HEG1: variants seen among roughly 807,000 people sequenced by gnomAD.
The protein encoded by HEG1 is heart development protein with EGF like domains 1.
HEG1 carries 56 observed loss-of-function variants against 125.6 expected under a neutral mutation model. The ratio of observed to expected loss-of-function variants is 0.45; its 90% CI spans 0.36 to 0.56. The LOEUF (loss-of-function observed/expected upper bound fraction) is 0.56, where lower values mean the gene tolerates loss of function less well. Among genes scored for constraint, HEG1 ranks in the 20% least tolerant of loss-of-function variants. The probability of loss-of-function intolerance (pLI) is 0.00; values close to 1 mark genes in which losing one functional copy is unlikely to be tolerated. For missense variants in HEG1, 1,523 were observed against 1,670.0 expected (o/e 0.91, Z 1.53); for synonymous variants, 644 against 668.5 (o/e 0.96, Z 0.57).
At chr3:125,039,678 A>AT (rs1696562018) in intron 1 of HEG1, among the ~76,000 whole-genome samples, 1 of 152,112 alleles carries the variant, frequency 6.6e-6, no homozygotes, top group African/African-American at 2.4e-5. Flanking sequence ...TATTATCCTC[A>AT]TATAGCACAT....
rs573602551 is a variant in HEG1, at chr3:125,013,931, C to T, written c.1648G>A (p.Asp550Asn). 4.5e-5 allele frequency: 73 copies of T among 1,612,826 alleles called. No homozygotes were observed. Among genetic ancestry groups the T allele is most frequent in the Admixed American group, 8.3e-5 (5 of 59,930 alleles). The change falls in exon 6 of 17, where the codon GAC (aspartate) becomes AAC (asparagine). Residue 550 changes from aspartate to asparagine, a missense_variant. Coordinates refer to ENST00000311127, the MANE Select transcript of HEG1 (RefSeq NM_020733.2). ...GACAGGTAGGTGTGGTCTGTGTGGT[C>T]GCTGGAAGTCCTTTGTTCAATAGCT... ...GTAIEQRTSS[D>N]HTDHTYLSST...
At chr3:125,039,789 C>T (rs1189206388) in intron 1 of HEG1, among the ~76,000 whole-genome samples, 1 of 149,050 alleles carries the variant, frequency 6.7e-6, no homozygotes, top group East Asian at 2.0e-4. Flanking sequence ...CATCACACTC[C>T]AGCTTATTCC....
chr3:125,026,048 T>C (rs1381717457), intron 3 of HEG1, among the ~76,000 whole-genome samples: 2 of 152,204 alleles, frequency 1.3e-5, no homozygotes, highest in African/African-American at 4.8e-5. Flanking sequence ...GCAATGGCAA[T>C]TTTGGAGACA....
chr3:124,973,933 C>A, intron 15 of HEG1, 28 bp from the exon 16 acceptor site: 1 of 1,536,822 alleles, frequency 6.5e-7, no homozygotes, highest in Non-Finnish European at 9.0e-7. Flanking sequence ...ATTTGTAAAG[C>A]TCAATTCCGT....
chr3:125,005,492 C>T (rs780842883), intron 8 of HEG1, 124 bp from the exon 9 acceptor site: 6 of 582,286 alleles, frequency 1.0e-5, no homozygotes, highest in Non-Finnish European at 1.2e-5. Context: ...GCATTTCTTT[C>T]TCCTTATGGG....
rs1937201379 is a variant in HEG1 at position 125,013,869 on chromosome 3, G to A, written c.1710C>T (p.Ser570=). ...TFTKGERALL[S]ITDNSSSSDI... ...CTGAGGATGAACTGTTATCTGTAATGGACAGTAACGCCCGTTCTCCTTTGG... is the reference window on the plus strand; with the variant it reads ...CTGAGGATGAACTGTTATCTGTAATAGACAGTAACGCCCGTTCTCCTTTGG... The change falls in exon 6 of 17, where the codon TCC becomes TCT. Residue 570 remains serine (S), a synonymous_variant. Transcript: ENST00000311127. The A allele has an allele frequency of 6.2e-7, 1 of 1,613,914 alleles. No individual in the cohort carries two copies. Among genetic ancestry groups the A allele is most frequent in the East Asian group, 2.2e-5 (1 of 44,886 alleles).
At chr3:125,017,610 G>A (rs1464324191) in intron 5 of HEG1, among the ~76,000 whole-genome samples, 1 of 152,196 alleles carries the variant, frequency 6.6e-6, no homozygotes, top group African/African-American at 2.4e-5. Flanking sequence ...CAGAACACTT[G>A]TACACAGCTG....
At chr3:125,046,799 T>G (rs975375731) in intron 1 of HEG1, among the ~76,000 whole-genome samples, 1 of 152,222 alleles carries the variant, frequency 6.6e-6, no homozygotes, top group African/African-American at 2.4e-5. Flanking sequence ...ACACACACTC[T>G]GAAGGTGGCT....
rs911757239 is a variant in HEG1, at chr3:125,040,896, G to A, written c.317-11408C>T. Among the ~76,000 whole-genome samples, 8 of 152,278 alleles carry A rather than the reference G, an allele frequency of 5.3e-5. No individual in the cohort carries two copies. The South Asian group carries it at 1.7e-3, about 32-fold the overall frequency. On this transcript the variant is annotated intron_variant, in intron 1 of 16. Transcript: ENST00000311127. ...TCCCATGCATTTTACAATCGACAAA[G>A]CACTTTTCACAGGATAATTTCATGG...
intron 12 of HEG1, among the ~76,000 whole-genome samples, chr3:124,992,770 G>C (rs968787835): frequency 2.6e-5 from 4 of 152,234 alleles, no homozygotes; most frequent in Non-Finnish European, 2.9e-5. Flanking sequence ...CATATCACTA[G>C]AGTGTTGTGG....
intron 14 of HEG1, 28 bp downstream of exon 14, chr3:124,990,759 G>C (rs145406909): frequency 1.9e-6 from 3 of 1,554,036 alleles, no homozygotes; most frequent in Non-Finnish European, 2.6e-6. Flanking sequence ...CCCTGCCCAC[G>C]CATAATGGTC....
chr3:125,003,032 T>C (rs1454865882), intron 9 of HEG1, among the ~76,000 whole-genome samples: 1 of 152,218 alleles, frequency 6.6e-6, no homozygotes, highest in Admixed American at 6.5e-5. Context: ...ATGTATCAGA[T>C]ACATGCCACT....
chr3:125,029,687 C>T (rs543723218), intron 1 of HEG1, among the ~76,000 whole-genome samples, 199 bp from the exon 2 acceptor site: 11 of 152,190 alleles, frequency 7.2e-5, no homozygotes, highest in Admixed American at 2.0e-4. Flanking sequence ...GTCAGGAGTT[C>T]GAGACCAGCC....
At chr3:125,002,869 G>T (rs1937019937) in intron 9 of HEG1, among the ~76,000 whole-genome samples, 1 of 152,198 alleles carries the variant, frequency 6.6e-6, no homozygotes, top group Non-Finnish European at 1.5e-5. Flanking sequence ...TGTTTGCCTT[G>T]TGCCCTTGGA....
chr3:125,046,398 T>TACACACAC (rs10522507), intron 1 of HEG1, among the ~76,000 whole-genome samples: 1 of 141,638 alleles, frequency 7.1e-6, no homozygotes, highest in South Asian at 2.3e-4. Flanking sequence ...TATATACACA[T>TACACACAC]ACACACACAC....
intron 12 of HEG1, 102 bp downstream of exon 12, chr3:124,997,586 TG>T: frequency 8.9e-7 from 1 of 1,129,916 alleles, no homozygotes; most frequent in African/African-American, 1.6e-5. Flanking sequence ...CAGTTTAGAA[TG>T]GTCACGCCTA....
Position 125,001,876 on chromosome 3 carries a change from C to G in HEG1, c.3493G>C (p.Gly1165Arg), listed in dbSNP as rs1341575820. 7 of 1,613,390 alleles carry G rather than the reference C, an allele frequency of 4.3e-6. No homozygotes were observed. Among genetic ancestry groups the G allele is most frequent in the Non-Finnish European group, 5.9e-6 (7 of 1,179,696 alleles). Reference protein sequence around the residue: ...KSSAEVCQLLGSQRRIFRAGS... With the variant: ...KSSAEVCQLLRSQRRIFRAGS... ...CCTCTAAAGATCCGCCTCTGAGATC[C>G]CAAGAGCTGGCAGACCTCAGCAGAG... Residue 1165 changes from glycine to arginine, a missense_variant, in exon 11 of 17, where the codon GGA (glycine) becomes CGA (arginine). By Grantham distance (125) the Gly-to-Arg change is moderately radical. Transcript: ENST00000311127.
chr3:124,981,159 A>G (rs1238700028), intron 14 of HEG1, among the ~76,000 whole-genome samples: 4 of 151,922 alleles, frequency 2.6e-5, no homozygotes, highest in Non-Finnish European at 5.9e-5. Flanking sequence ...TTTTAAATAA[A>G]GAAAATAAAG....
chr3:125,021,817 C>T (rs932408431), intron 3 of HEG1, among the ~76,000 whole-genome samples: 2 of 152,226 alleles, frequency 1.3e-5, no homozygotes, highest in African/African-American at 4.8e-5. Flanking sequence ...TATTACCCCA[C>T]AAATTTAATT....
Sources: gnomAD v4.1 joint callset for allele counts (sites outside exome capture counted in the v4.1 genomes callset) on GRCh38, gnomAD v4.1.1 for gene constraint, MANE v1.5 for transcripts, NCBI Gene and HGNC (gene_info 2026-07-23, HGNC 2026-07-21) for gene names.